The following COL20A1 variants were observed in gnomAD, a reference collection of about 807,000 sequenced individuals.
COL20A1 encodes collagen type XX alpha 1 chain.
A neutral mutation model predicts 152.9 loss-of-function variants in COL20A1; 164 were observed. The ratio of observed to expected loss-of-function variants is 1.07; its 90% CI spans 0.94 to 1.22. COL20A1 has a LOEUF of 1.22. Among genes scored for constraint, COL20A1 ranks in the 50% most tolerant of loss-of-function variants. COL20A1 has a pLI of 0.00. For synonymous variants in COL20A1, 864 were observed against 756.0 expected (o/e 1.14, Z -2.34); for missense variants, 1,873 against 1,744.8 (o/e 1.07, Z -1.31).
At chr20:63,299,773 G>C (rs999260611) in intron 3 of COL20A1, among the ~76,000 whole-genome samples, 1 of 151,530 alleles carries the variant, frequency 6.6e-6, no homozygotes, top group African/African-American at 2.4e-5. Context: ...GATTAATGTA[G>C]TAAACTACAG....
In COL20A1 at chr20:63,312,539, G is replaced by A. The variant is rs1416448868; in HGVS notation, c.1923G>A (p.Arg641=). ...PGGGSSTLTG[R]VTTKKAPSPS... Reference sequence around the variant, plus strand: ...GTGGCTCCTCTACGCTGACTGGCCGGGTGACCACCAGTGAGTGGGGAGAGG... The same window carrying A: ...GTGGCTCCTCTACGCTGACTGGCCGAGTGACCACCAGTGAGTGGGGAGAGG... Residue 641 remains arginine (R), a synonymous_variant, in exon 15 of 36, where the codon CGG becomes CGA. Transcript: ENST00000358894. The A allele has an allele frequency of 6.3e-7, 1 of 1,589,028 alleles. No individual in the cohort carries two copies. Among genetic ancestry groups the A allele is most frequent in the South Asian group, 1.1e-5 (1 of 87,974 alleles).
intron 20 of COL20A1, among the ~76,000 whole-genome samples, 170 bp from the exon 21 acceptor site, chr20:63,316,383 C>T (rs960144044): frequency 7.9e-4 from 118 of 148,854 alleles, no homozygotes; most frequent in Non-Finnish European, 1.4e-3. Flanking sequence ...CAGACCCCTG[C>T]CCACCCCCCA....
In COL20A1 at chr20:63,308,709, G is replaced by GAGCA; in HGVS notation, c.940+4_940+7dup. 1.3e-6 allele frequency: 2 copies of GAGCA among 1,593,098 alleles called. No homozygotes were observed. The highest frequency in any genetic ancestry group is 1.7e-6 in the Non-Finnish European group (2 of 1,168,814). On this transcript the variant is annotated splice_donor_region_variant and intron_variant, in intron 8 of 35. Transcript: ENST00000358894. ...GGGCGTGAACGTCTTCGCTGTGGGT[G>GAGCA]AGCACCATGCGGCTCCCCCGGCCCT...
At chr20:63,295,329 A>G in intron 2 of COL20A1, 140 bp downstream of exon 2, 4 of 621,530 alleles carry the variant, frequency 6.4e-6, no homozygotes, top group South Asian at 6.0e-5. Flanking sequence ...CAGCTCCCAC[A>G]ACAAAGGCAA....
intron 27 of COL20A1, 26 bp from the exon 28 acceptor site, chr20:63,325,415 C>A (rs2068229491): frequency 3.1e-6 from 5 of 1,591,170 alleles, no homozygotes; most frequent in Non-Finnish European, 4.3e-6. Context: ...CTCCGCTTCG[C>A]TGTCCAGCCC....
chr20:63,326,178 C>T (rs369478902), intron 30 of COL20A1, 29 bp downstream of exon 30: 9 of 1,583,614 alleles, frequency 5.7e-6, no homozygotes, highest in African/African-American at 5.4e-5. Flanking sequence ...TGACCCCGAC[C>T]CCCACCCAGG....
At position 63,313,327 on chromosome 20, in the gene COL20A1, A is replaced by G. The variant is rs139241158; in HGVS notation, c.2209+78A>G. Reference sequence around the variant, plus strand: ...GGGATCCCTGACTCACCCGCTGCACAGGCCCAGGACCCTAGACTCCCAGAA... The same window carrying G: ...GGGATCCCTGACTCACCCGCTGCACGGGCCCAGGACCCTAGACTCCCAGAA... On this transcript the variant is annotated intron_variant, in intron 17 of 35. Coordinates refer to ENST00000358894, the MANE Select transcript of COL20A1 (RefSeq NM_020882.4). This position sits in a 1 kb window ranked among gnomAD's most constrained non-coding sequence, Gnocchi z 5.9. 0.05 allele frequency: 74,382 copies of G among 1,476,494 alleles called. 2,230 individuals carry two copies. The highest frequency in any genetic ancestry group is 0.074 in the South Asian group (5,705 of 77,482). 91.5% of individuals were successfully genotyped at this position (1,476,494 alleles called of 1,614,324 possible). A position where few individuals can be genotyped will look rare whatever the true frequency, so the allele number is the denominator to read the frequency against.
chr20:63,306,603 G>T lies in COL20A1; in HGVS notation c.496+564G>T, dbSNP rs970618173. Reference sequence around the variant, plus strand: ...GGGCCCTGCCCAGCCGGCCCCAGGCGTGGAGAGGTAGAGCCACACCAGGAC... The same window carrying T: ...GGGCCCTGCCCAGCCGGCCCCAGGCTTGGAGAGGTAGAGCCACACCAGGAC... On this transcript the variant is annotated intron_variant, in intron 5 of 35. Transcript: ENST00000358894. The surrounding 1 kb of genome is among the most constrained non-coding windows in gnomAD (Gnocchi z 6.9). 1.3e-5 allele frequency among the ~76,000 whole-genome samples: 2 copies of T among 150,690 alleles called. No individual in the cohort carries two copies. Among genetic ancestry groups the T allele is most frequent in the East Asian group, 3.9e-4 (2 of 5,186 alleles).
chr20:63,309,611 AG>A lies in COL20A1; in HGVS notation c.1105+119del, dbSNP rs981491187. On this transcript the variant is annotated intron_variant, in intron 9 of 35. Transcript: ENST00000358894. ...CCTGAGGCCGGCTCCTGTGGCTCTG[AG>A]GGGGTCTGCAGCACCCCCTTACATC... The A allele has an allele frequency of 2.4e-5, 30 of 1,257,462 alleles. No homozygotes were observed. The East Asian group carries it at 2.4e-4, about 10-fold the overall frequency. 77.9% of individuals were successfully genotyped at this position (1,257,462 alleles called of 1,614,324 possible).
intron 35 of COL20A1, among the ~76,000 whole-genome samples, 197 bp downstream of exon 35, chr20:63,329,858 G>C (rs1245392697): frequency 6.6e-6 from 1 of 151,594 alleles, no homozygotes; most frequent in Non-Finnish European, 1.5e-5. Context: ...AGGAATGTGG[G>C]GTCACAGGGT....
rs201458379 is a variant in COL20A1 at position 63,310,483 on chromosome 20, G to A, written c.1366G>A (p.Glu456Lys). ...CCCCATCTATGAGGGCGGGGTTGGCGAAGGCCTGCGGGGCCTGGTGACCAC... is the reference window on the plus strand; with the variant it reads ...CCCCATCTATGAGGGCGGGGTTGGCAAAGGCCTGCGGGGCCTGGTGACCAC... The part of the protein sequence containing the change: ...VFPIYEGGVG[E>K]GLRGLVTTAP... Residue 456 changes from glutamate to lysine, a missense_variant, in exon 11 of 36, where the codon GAA (glutamate) becomes AAA (lysine). Glu to Lys is a moderately conservative substitution (Grantham distance 56, BLOSUM62 1). Coordinates refer to ENST00000358894, the MANE Select transcript of COL20A1 (RefSeq NM_020882.4). 5.6e-6 allele frequency: 9 copies of A among 1,604,532 alleles called. No homozygotes were observed. Among genetic ancestry groups the A allele is most frequent in the South Asian group, 3.4e-5 (3 of 89,304 alleles).
chr20:63,308,574 CTGCAGCCGGCGGCTGGCCTCCGTCCAGA>C lies in COL20A1; in HGVS notation c.809_836del (p.Leu270ArgfsTer6), dbSNP rs1447544722. The C allele has an allele frequency of 5.0e-6, 8 of 1,605,768 alleles. No individual in the cohort carries two copies. The East Asian group carries it at 1.8e-4, about 36-fold the overall frequency. Reference sequence around the variant, plus strand: ...CCTGACCCACGTGCTGGGGCAGAACCTGCAGCCGGCGGCTGGCCTCCGTCCAGAGGCAGCCAAGGTGGTGATTCTGGTG... The same window carrying C: ...CCTGACCCACGTGCTGGGGCAGAACCGGCAGCCAAGGTGGTGATTCTGGTG... On this transcript the variant is annotated frameshift_variant, in exon 8 of 36. Transcript: ENST00000358894. LOFTEE classifies it high-confidence loss of function.
chr20:63,313,285 G>A lies in COL20A1; in HGVS notation c.2209+36G>A. The A allele has an allele frequency of 6.3e-7, 1 of 1,583,326 alleles. No homozygotes were observed. The highest frequency in any genetic ancestry group is 8.6e-7 in the Non-Finnish European group (1 of 1,161,766). On this transcript the variant is annotated intron_variant, in intron 17 of 35. Coordinates refer to ENST00000358894, the MANE Select transcript of COL20A1 (RefSeq NM_020882.4). This position sits in a 1 kb window ranked among gnomAD's most constrained non-coding sequence, Gnocchi z 5.9. ...CTCCACTTCCCCTCTGCTGGGTGTG[G>A]GGCAGGGATGGCCCAGGGGATCCCT...
At position 63,331,344 on chromosome 20, in the gene COL20A1, CAAG is replaced by C. The variant is rs1416862017; in HGVS notation, c.*632_*634del. ...CTCATCGTCCCCTCTGTCCCCAGCC[CAAG>C]AAGGAGTTCAGATCCTGTGTGTGAA... On this transcript the variant is annotated 3_prime_UTR_variant, in exon 36 of 36. Coordinates refer to ENST00000358894, the MANE Select transcript of COL20A1 (RefSeq NM_020882.4). The C allele has an allele frequency of 3.9e-5, 6 of 152,336 alleles. No homozygotes were observed. The highest frequency in any genetic ancestry group is 1.4e-4 in the African/African-American group (6 of 41,454). The allele number at this position is 152,336 out of a possible 1,614,324, so 9.4% of individuals were successfully genotyped here.
At position 63,308,533 on chromosome 20, in the gene COL20A1, G is replaced by C; in HGVS notation, c.776-9G>C. On this transcript the variant is annotated splice_polypyrimidine_tract_variant and intron_variant, in intron 7 of 35. Coordinates refer to ENST00000358894, the MANE Select transcript of COL20A1 (RefSeq NM_020882.4). ...AGCTGCCTGTCACTTTATTCCTGCT[G>C]CTCCCAAGGCCTTGCCCTGACCCAC... 6.4e-7 allele frequency: 1 copy of C among 1,570,494 alleles called. No individual in the cohort carries two copies. Among genetic ancestry groups the C allele is most frequent in the Non-Finnish European group, 8.6e-7 (1 of 1,158,530 alleles).
chr20:63,302,934 T>C (rs1339497979), intron 3 of COL20A1, among the ~76,000 whole-genome samples: 2 of 152,224 alleles, frequency 1.3e-5, no homozygotes, highest in African/African-American at 4.8e-5. Context: ...TTAACAAGAA[T>C]TCTTTATCAG....
At position 63,319,533 on chromosome 20, in the gene COL20A1, C is replaced by T. The variant is rs746587840; in HGVS notation, c.2853C>T (p.Ala951=). ...LTYFHRDPRA[A]LQEATFDPQE... ...ACTTCCACCGTGACCCCAGGGCTGC[C>T]TTGCAGGAGGCCACCTTCGACCCGC... The change falls in exon 23 of 36, where the codon GCC becomes GCT. Residue 951 remains alanine (A), a synonymous_variant. Coordinates refer to ENST00000358894, the MANE Select transcript of COL20A1 (RefSeq NM_020882.4). The surrounding 1 kb of genome is among the most constrained non-coding windows in gnomAD (Gnocchi z 4.4). 1.3e-6 allele frequency: 2 copies of T among 1,597,224 alleles called. No homozygotes were observed. Among genetic ancestry groups the T allele is most frequent in the East Asian group, 2.3e-5 (1 of 44,000 alleles).
At position 63,311,421 on chromosome 20, in the gene COL20A1, C is replaced by A. The variant is rs1366001604; in HGVS notation, c.1421C>A (p.Thr474Asn). 1.3e-6 allele frequency: 2 copies of A among 1,579,414 alleles called. No homozygotes were observed. Among genetic ancestry groups the A allele is most frequent in the Non-Finnish European group, 8.6e-7 (1 of 1,163,370 alleles). ...TAPLPPPRAL[T>N]LAAVTPRTVH... ...CCTCTGCCTCCGCCCCGGGCGCTGACCCTGGCCGCAGTGACGCCCAGAACC... is the reference window on the plus strand; with the variant it reads ...CCTCTGCCTCCGCCCCGGGCGCTGAACCTGGCCGCAGTGACGCCCAGAACC... The change falls in exon 12 of 36, where the codon ACC (threonine) becomes AAC (asparagine). Residue 474 changes from threonine (T) to asparagine (N), a missense_variant. Physicochemically the swap from Thr to Asn is moderately conservative, Grantham distance 65. Coordinates refer to ENST00000358894, the MANE Select transcript of COL20A1 (RefSeq NM_020882.4). This position sits in a 1 kb window ranked among gnomAD's most constrained non-coding sequence, Gnocchi z 4.4.
Position 63,313,019 on chromosome 20 carries a change from G to A in COL20A1, c.2076+85G>A. ...CAAAGTCTAGGGCTCAGAGCCATAT[G>A]TGCGCCCACCCTGTCTCCCAGGGAT... On this transcript the variant is annotated intron_variant, in intron 16 of 35. Transcript: ENST00000358894. This position sits in a 1 kb window ranked among gnomAD's most constrained non-coding sequence, Gnocchi z 5.9. 9.7e-6 allele frequency: 15 copies of A among 1,539,880 alleles called. No individual in the cohort carries two copies. The highest frequency in any genetic ancestry group is 1.3e-5 in the Non-Finnish European group (15 of 1,138,426).
Sources: allele counts gnomAD v4.1 joint callset (sites outside exome capture counted in the v4.1 genomes callset), GRCh38; gene constraint gnomAD v4.1.1; non-coding constraint Gnocchi (gnomAD v3.1); transcripts MANE v1.5; gene names NCBI Gene and HGNC (gene_info 2026-07-23, HGNC 2026-07-21).